Variants in HMGN5 observed in about 807,000 individuals in gnomAD.
HMGN5 encodes the protein high mobility group nucleosome binding domain 5, also known as high mobility group nucleosome-binding domain-containing protein 5.
Under a neutral mutation model 9.5 loss-of-function variants are expected in HMGN5, and 4 were observed. The observed-to-expected ratio is 0.42, with a 90% CI of 0.21 to 0.96. The LOEUF is 0.96. Ranked by LOEUF, HMGN5 falls within the 40% of genes least tolerant of loss-of-function variation. HMGN5 has a pLI of 0.30. For synonymous variants in HMGN5, 55 were observed against 57.1 expected, an observed-to-expected ratio of 0.96 and a Z score of 0.16; for missense variants, 192 against 187.5, an observed-to-expected ratio of 1.02 and a Z score of -0.14.
At chrX:81,163,594 G>A (rs934226213) in intron 1 of HMGN5, among the ~76,000 whole-genome samples, 2 of 111,843 alleles carry the variant, frequency 1.8e-5, no homozygotes, top group Non-Finnish European at 3.8e-5. Context: ...GGAACTGGGA[G>A]TTTGTTAGAG....
intron 1 of HMGN5, among the ~76,000 whole-genome samples, chrX:81,144,550 G>A (rs1302449910): frequency 8.9e-6 from 1 of 112,141 alleles, no homozygotes; most frequent in African/African-American, 3.2e-5. Flanking sequence ...GGAAAAACCA[G>A]CACAAAAAGG....
intron 1 of HMGN5, among the ~76,000 whole-genome samples, chrX:81,133,615 C>T (rs1263093691): frequency 1.8e-5 from 2 of 111,193 alleles, no homozygotes; most frequent in Non-Finnish European, 3.8e-5. Flanking sequence ...GAACAGAAAA[C>T]CAAATACCAC....
At chrX:81,169,739 G>A (rs1361952848) in intron 1 of HMGN5, among the ~76,000 whole-genome samples, 2 of 111,411 alleles carry the variant, frequency 1.8e-5, no homozygotes, top group Non-Finnish European at 3.8e-5. Context: ...TAGGCAAGGA[G>A]AGTGGACATC....
chrX:81,118,527 C>T (rs7053255), intron 4 of HMGN5, 42 bp from the exon 5 acceptor site: 143 of 1,054,184 alleles, frequency 1.4e-4, no homozygotes, highest in Middle Eastern at 5.0e-4. Context: ...GGAAAAAAAT[C>T]ATATTTGAAG....
chrX:81,192,342 A>C (rs975176968), intron 1 of HMGN5, among the ~76,000 whole-genome samples: 13 of 111,875 alleles, frequency 1.2e-4, no homozygotes, highest in African/African-American at 4.2e-4. Flanking sequence ...ATTATATTGA[A>C]GAATATGGGT....
intron 2 of HMGN5, among the ~76,000 whole-genome samples, chrX:81,120,874 C>T (rs1202765269): frequency 9.0e-6 from 1 of 110,814 alleles, no homozygotes; most frequent in Non-Finnish European, 1.9e-5. Flanking sequence ...GTTTATCCGA[C>T]GCTGTCTCCT....
At chrX:81,153,668 A>T (rs1428939764) in intron 1 of HMGN5, among the ~76,000 whole-genome samples, 2 of 82,729 alleles carry the variant, frequency 2.4e-5, no homozygotes, top group Non-Finnish European at 4.6e-5. Flanking sequence ...TTTGAAAAAA[A>T]CTAAAGACTC....
At chrX:81,188,613 C>T (rs1179664069) in intron 1 of HMGN5, among the ~76,000 whole-genome samples, 2 of 109,816 alleles carry the variant, frequency 1.8e-5, no homozygotes, top group African/African-American at 3.3e-5. Context: ...TCTCCTAACG[C>T]TATCCCTCCC....
intron 1 of HMGN5, among the ~76,000 whole-genome samples, chrX:81,124,180 TAGTC>T (rs1226003858): frequency 6.2e-5 from 7 of 112,299 alleles, no homozygotes; most frequent in African/African-American, 2.3e-4. Context: ...ATTGAAAAAA[TAGTC>T]ATGCATGCAA....
chrX:81,157,927 C>T lies in HMGN5; in HGVS notation c.-123-36255G>A, dbSNP rs1006779750. 2.1e-4 allele frequency among the ~76,000 whole-genome samples: 23 copies of T among 109,795 alleles called. 1 individual carries two copies. The Admixed American group carries it at 2.1e-3, about 10-fold the overall frequency. On this transcript the variant is annotated intron_variant, in intron 1 of 6. Coordinates refer to ENST00000358130, the MANE Select transcript of HMGN5 (RefSeq NM_030763.3). Reference sequence around the variant, plus strand: ...CCCAAGTAGCTGAGACTACAGGTGCCCGCCACCATGCCCGGCTACTTTTTT... The same window carrying T: ...CCCAAGTAGCTGAGACTACAGGTGCTCGCCACCATGCCCGGCTACTTTTTT...
At chrX:81,157,940 C>T (rs1200125074) in intron 1 of HMGN5, among the ~76,000 whole-genome samples, 5 of 109,999 alleles carry the variant, frequency 4.5e-5, no homozygotes, top group African/African-American at 9.9e-5. Context: ...CCACCATGCC[C>T]GGCTACTTTT....
chrX:81,179,407 AACAG>A lies in HMGN5; in HGVS notation c.-124+22326_-124+22329del, dbSNP rs1403246287. 2.3e-4 allele frequency among the ~76,000 whole-genome samples: 26 copies of A among 111,511 alleles called. No homozygotes were observed. In the Admixed American group the frequency reaches 2.5e-3, roughly 11 times the overall value. ...ATCACAAGCATTCTTATACACCAAT[AACAG>A]ACAAACAGAGAGCCAAATCATGAGT... On this transcript the variant is annotated intron_variant, in intron 1 of 6. Coordinates refer to ENST00000358130, the MANE Select transcript of HMGN5 (RefSeq NM_030763.3).
intron 1 of HMGN5, among the ~76,000 whole-genome samples, chrX:81,178,425 T>A (rs138823748): frequency 1.8e-5 from 2 of 111,810 alleles, no homozygotes; most frequent in African/African-American, 6.5e-5. Flanking sequence ...GAGAATACTA[T>A]AGACATCTCT....
At chrX:81,151,637 G>A (rs1410389936) in intron 1 of HMGN5, among the ~76,000 whole-genome samples, 6 of 111,466 alleles carry the variant, frequency 5.4e-5, no homozygotes, top group African/African-American at 2.0e-4. Flanking sequence ...GCAGTGGTTT[G>A]TAGCTCTCCT....
intron 1 of HMGN5, among the ~76,000 whole-genome samples, chrX:81,129,037 T>C (rs2075291929): frequency 1.8e-5 from 2 of 111,631 alleles, no homozygotes; most frequent in Non-Finnish European, 3.8e-5. Flanking sequence ...AAAAGAGCCA[T>C]ATTGAAGGAA....
chrX:81,130,538 A>C (rs1023669300), intron 1 of HMGN5, among the ~76,000 whole-genome samples: 1 of 111,289 alleles, frequency 9.0e-6, no homozygotes, highest in Admixed American at 9.6e-5. Context: ...CTTAGATCAG[A>C]AATCTATTAT....
At chrX:81,115,370 G>C (rs2075250456) in intron 6 of HMGN5, 140 bp from the exon 7 acceptor site, 1 of 695,803 alleles carries the variant, frequency 1.4e-6, no homozygotes, top group East Asian at 4.1e-5. Flanking sequence ...TGTGAAAGAA[G>C]CCTGCTAAAT....
At chrX:81,161,157 G>A (rs2075396864) in intron 1 of HMGN5, among the ~76,000 whole-genome samples, 1 of 110,432 alleles carries the variant, frequency 9.1e-6, no homozygotes, top group African/African-American at 3.3e-5. Flanking sequence ...TGAAATATGA[G>A]CTGTGCTTCC....
chrX:81,135,917 T>A (rs1240569732), intron 1 of HMGN5, among the ~76,000 whole-genome samples: 3 of 111,280 alleles, frequency 2.7e-5, no homozygotes, highest in Non-Finnish European at 3.8e-5. Flanking sequence ...TTAGTCCTCA[T>A]GAAACTGAAT....
Sources: allele counts gnomAD v4.1 joint callset (sites outside exome capture counted in the v4.1 genomes callset), GRCh38; gene constraint gnomAD v4.1.1; transcripts MANE v1.5; gene names NCBI Gene and HGNC (gene_info 2026-07-23, HGNC 2026-07-21).